The following CDH4 variants were observed in gnomAD, a reference collection of about 807,000 sequenced individuals.
CDH4 encodes the protein cadherin-4.
A neutral mutation model predicts 86.0 loss-of-function variants in CDH4; 33 were observed. The observed-to-expected ratio is 0.38, with a 90% CI of 0.29 to 0.51. The LOEUF is 0.51. Ranked by LOEUF, CDH4 falls within the 20% of genes least tolerant of loss-of-function variation. The pLI, the probability that CDH4 is intolerant of heterozygous loss-of-function variation, is 0.86. For synonymous variants in CDH4, 555 were observed against 549.4 expected, an observed-to-expected ratio of 1.01 and a Z score of -0.14; for missense variants, 1,114 against 1,307.4, an observed-to-expected ratio of 0.85 and a Z score of 2.28.
At chr20:61,309,151 C>T (rs1600854483) in intron 2 of CDH4, among the ~76,000 whole-genome samples, 2 of 152,232 alleles carry the variant, frequency 1.3e-5, no homozygotes. Flanking sequence ...CTGTGCAGCT[C>T]GGCTGGTGCC....
Position 61,393,352 on chromosome 20 carries a change from C to T in CDH4, c.169+138415C>T, listed in dbSNP as rs1005983556. ...GTGGGGGACAGCAGCCGGGGGGGGC[C>T]GGGGTCTTCCTTACCTCCTAGCTTG... On this transcript the variant is annotated intron_variant, in intron 2 of 15. Transcript: ENST00000614565. The surrounding 1 kb of genome is among the most constrained non-coding windows in gnomAD (Gnocchi z 4.3). Among the ~76,000 whole-genome samples the T allele has an allele frequency of 2.6e-5, 4 of 152,086 alleles. No homozygotes were observed. Among genetic ancestry groups the T allele is most frequent in the Admixed American group, 1.3e-4 (2 of 15,274 alleles).
intron 2 of CDH4, among the ~76,000 whole-genome samples, chr20:61,652,867 G>T (rs1301045869): frequency 2.3e-5 from 3 of 130,510 alleles, no homozygotes; most frequent in Non-Finnish European, 5.0e-5. Flanking sequence ...TTGGGGGGGG[G>T]ATAAAAAATG....
chr20:61,882,959 G>A (rs1431173012), intron 7 of CDH4, among the ~76,000 whole-genome samples: 3 of 152,178 alleles, frequency 2.0e-5, no homozygotes, highest in South Asian at 4.2e-4. Context: ...CAGCCTCTGC[G>A]CATCTCCTGC....
intron 3 of CDH4, among the ~76,000 whole-genome samples, chr20:61,772,181 A>G (rs561334841): frequency 6.6e-5 from 10 of 152,098 alleles, no homozygotes; most frequent in African/African-American, 2.2e-4. Flanking sequence ...CAGGATTGTG[A>G]GAGATGAAGG....
chr20:61,754,768 CCACACACACCA>C lies in CDH4; in HGVS notation c.396+10989_396+10999del, dbSNP rs1333146099. Among the ~76,000 whole-genome samples, 5 of 146,250 alleles carry C rather than the reference CCACACACACCA, an allele frequency of 3.4e-5. No homozygotes were observed. The highest frequency in any genetic ancestry group is 2.4e-4 in the South Asian group (1 of 4,210). On this transcript the variant is annotated intron_variant, in intron 3 of 15. Transcript: ENST00000614565. This position sits in a 1 kb window ranked among gnomAD's most constrained non-coding sequence, Gnocchi z 4.7. ...ATGCACACCACACACACAGTGCATG[CCACACACACCA>C]CACACACACTGCACGCCACACACAC... is the stretch of plus-strand genomic sequence containing the variant.
intron 2 of CDH4, among the ~76,000 whole-genome samples, chr20:61,399,299 AT>A (rs1483393187): frequency 9.4e-6 from 1 of 106,428 alleles, no homozygotes; most frequent in African/African-American, 4.2e-5. Flanking sequence ...TGCCCGGCTA[AT>A]TTTTTGTATT....
chr20:61,444,983 GTGTT>G (rs1026871127), intron 2 of CDH4, among the ~76,000 whole-genome samples: 44 of 152,046 alleles, frequency 2.9e-4, no homozygotes, highest in African/African-American at 9.4e-4. Flanking sequence ...CTTTGCGTGT[GTGTT>G]TGTATGTATC....
intron 2 of CDH4, among the ~76,000 whole-genome samples, chr20:61,698,523 G>A (rs908695076): frequency 1.3e-5 from 2 of 152,364 alleles, no homozygotes; most frequent in African/African-American, 4.8e-5. Context: ...CACGGGGGAC[G>A]TGCCCTTGGT....
At position 61,661,985 on chromosome 20, in the gene CDH4, A is replaced by C. The variant is rs188039791; in HGVS notation, c.170-81578A>C. ...CTCCCTGTGAACCTCAAATTCTTCCAGGGTACATGTTTTTTAAAAGGTTAA... is the reference window on the plus strand; with the variant it reads ...CTCCCTGTGAACCTCAAATTCTTCCCGGGTACATGTTTTTTAAAAGGTTAA... On this transcript the variant is annotated intron_variant, in intron 2 of 15. Transcript: ENST00000614565. Among the ~76,000 whole-genome samples the C allele has an allele frequency of 3.4e-3, 517 of 152,266 alleles. 1 individual carries two copies. Among genetic ancestry groups the C allele is most frequent in the Non-Finnish European group, 4.1e-3 (277 of 68,018 alleles).
In CDH4 at chr20:61,682,601, G is replaced by A. The variant is rs186496703; in HGVS notation, c.170-60962G>A. On this transcript the variant is annotated intron_variant, in intron 2 of 15. Coordinates refer to ENST00000614565, the MANE Select transcript of CDH4 (RefSeq NM_001794.5). ...GATGAAGGGACAGAGGGAGAGATGG[G>A]TGGAAAAGTGGAAGGGAGGAGAGGA... 2.2e-4 allele frequency among the ~76,000 whole-genome samples: 34 copies of A among 152,188 alleles called. No individual in the cohort carries two copies. The East Asian group carries it at 6.6e-3, about 29-fold the overall frequency.
At chr20:61,537,349 C>T (rs1485282752) in intron 2 of CDH4, among the ~76,000 whole-genome samples, 1 of 152,144 alleles carries the variant, frequency 6.6e-6, no homozygotes, top group Admixed American at 6.5e-5. Flanking sequence ...AAGCATCACA[C>T]AGCACTAACC....
intron 2 of CDH4, among the ~76,000 whole-genome samples, chr20:61,294,443 A>G (rs1244212557): frequency 2.6e-5 from 4 of 152,124 alleles, no homozygotes; most frequent in Non-Finnish European, 5.9e-5. Context: ...GACTCGGCCC[A>G]TCCTACTCAC....
At chr20:61,668,802 A>G (rs1485547460) in intron 2 of CDH4, among the ~76,000 whole-genome samples, 1 of 152,148 alleles carries the variant, frequency 6.6e-6, no homozygotes, top group Non-Finnish European at 1.5e-5. Context: ...CTTGCTTCCC[A>G]CTGCTGAGTG....
chr20:61,643,211 G>T (rs901892597), intron 2 of CDH4, among the ~76,000 whole-genome samples: 4 of 152,204 alleles, frequency 2.6e-5, no homozygotes, highest in South Asian at 2.1e-4. Context: ...GGGAGGGGGG[G>T]TGTAGAGAGA....
At position 61,544,177 on chromosome 20, in the gene CDH4, C is replaced by G. The variant is rs903428835; in HGVS notation, c.170-199386C>G. On this transcript the variant is annotated intron_variant, in intron 2 of 15. Coordinates refer to ENST00000614565, the MANE Select transcript of CDH4 (RefSeq NM_001794.5). The surrounding 1 kb of genome is among the most constrained non-coding windows in gnomAD (Gnocchi z 6.5). Reference sequence around the variant, plus strand: ...GTGGTCTCTTTAGATCTGCGGTTCTCTTTCAGAGATGATGCTGCCCCGTCT... The same window carrying G: ...GTGGTCTCTTTAGATCTGCGGTTCTGTTTCAGAGATGATGCTGCCCCGTCT... Among the ~76,000 whole-genome samples the G allele has an allele frequency of 2.0e-5, 3 of 152,208 alleles. No homozygotes were observed. Among genetic ancestry groups the G allele is most frequent in the Non-Finnish European group, 4.4e-5 (3 of 68,040 alleles).
intron 5 of CDH4, among the ~76,000 whole-genome samples, chr20:61,851,291 T>G (rs952248203): frequency 7.9e-5 from 12 of 152,218 alleles, no homozygotes; most frequent in African/African-American, 2.9e-4. Context: ...AGCCAGCCTC[T>G]AGATCTTCCG....
chr20:61,494,475 A>G (rs947208884), intron 2 of CDH4, among the ~76,000 whole-genome samples: 43 of 152,262 alleles, frequency 2.8e-4, no homozygotes, highest in Admixed American at 1.0e-3. Flanking sequence ...GAAGGGCTCA[A>G]TTGGAAGGCT....
chr20:61,835,040 T>G (rs554203781), intron 4 of CDH4, among the ~76,000 whole-genome samples: 1 of 152,176 alleles, frequency 6.6e-6, no homozygotes, highest in Non-Finnish European at 1.5e-5. Context: ...ACAGAAAGAA[T>G]GCAGGCAACA....
intron 2 of CDH4, among the ~76,000 whole-genome samples, chr20:61,401,096 C>T (rs910902642): frequency 2.6e-5 from 4 of 152,188 alleles, no homozygotes; most frequent in Non-Finnish European, 5.9e-5. Context: ...CCTCTCCAGC[C>T]TCATGCTCAT....
Sources: gnomAD v4.1 joint callset for allele counts (sites outside exome capture counted in the v4.1 genomes callset) on GRCh38, gnomAD v4.1.1 for gene constraint, Gnocchi (gnomAD v3.1) non-coding constraint, MANE v1.5 for transcripts, NCBI Gene and HGNC (gene_info 2026-07-23, HGNC 2026-07-21) for gene names.